The following DISC1 variants were observed in gnomAD, a reference collection of about 807,000 sequenced individuals.
DISC1 encodes DISC1 scaffold protein, also known as disrupted in schizophrenia 1 protein.
DISC1 carries 57 observed loss-of-function variants against 84.5 expected under a neutral mutation model. That is an observed-to-expected ratio of 0.67 (90% confidence interval 0.55 to 0.84). DISC1 has a LOEUF of 0.84. Ranked by LOEUF, DISC1 falls within the 40% of genes least tolerant of loss-of-function variation. The pLI is 0.00. For missense variants in DISC1, 1,000 were observed against 1,057.8 expected, an observed-to-expected ratio of 0.95 and a Z score of 0.76; for synonymous variants, 411 against 415.2, an observed-to-expected ratio of 0.99 and a Z score of 0.12.
intron 9 of DISC1, among the ~76,000 whole-genome samples, chr1:231,915,249 G>A (rs2089529904): frequency 6.6e-6 from 1 of 152,178 alleles, no homozygotes; most frequent in African/African-American, 2.4e-5. Flanking sequence ...GGTTTCAGGG[G>A]ATTGTGCAGC....
chr1:231,937,016 C>T (rs1444107448), intron 9 of DISC1, among the ~76,000 whole-genome samples: 1 of 152,184 alleles, frequency 6.6e-6, no homozygotes, highest in Non-Finnish European at 1.5e-5. Context: ...ACTCACTTAT[C>T]TCTGAGTCTC....
intron 1 of DISC1, among the ~76,000 whole-genome samples, chr1:231,688,292 G>A (rs2064554950): frequency 6.6e-6 from 1 of 152,108 alleles, no homozygotes; most frequent in East Asian, 1.9e-4. Flanking sequence ...TCTATTTCTA[G>A]TATTTCTGTG....
intron 1 of DISC1, among the ~76,000 whole-genome samples, chr1:231,669,466 A>T (rs2062354940): frequency 6.6e-6 from 1 of 152,212 alleles, no homozygotes; most frequent in African/African-American, 2.4e-5. Context: ...AATTTTTACA[A>T]ACTGCATCCA....
Position 231,882,890 on chromosome 1 carries a change from C to T in DISC1, c.1981+64373C>T, listed in dbSNP as rs117647372. On this transcript the variant is annotated intron_variant, in intron 9 of 12. Transcript: ENST00000439617. ...TGGGCCTGTAGGGATGTCTATGACA[C>T]GCAGGATACAGGGCTGGGCACCTGG... Among the ~76,000 whole-genome samples the T allele has an allele frequency of 3.0e-4, 45 of 151,832 alleles. 1 individual carries two copies. The East Asian group carries it at 5.3e-3, about 18-fold the overall frequency.
In DISC1 at chr1:231,628,908, AT is replaced by A. The variant is rs911841951; in HGVS notation, c.67+1985del. On this transcript the variant is annotated intron_variant, in intron 1 of 12. Coordinates refer to ENST00000439617, the MANE Select transcript of DISC1 (RefSeq NM_018662.3). ...AGGCGCATGCCACCATGCCCAGCTA[AT>A]TTTTTTTTTTAGAGTTGGAGTCTTG... Among the ~76,000 whole-genome samples the A allele has an allele frequency of 3.6e-3, 533 of 147,302 alleles. 7 individuals are homozygous for A. The highest frequency in any genetic ancestry group is 0.012 in the African/African-American group (484 of 39,990).
chr1:231,972,687 G>A (rs926711166), intron 10 of DISC1, among the ~76,000 whole-genome samples: 17 of 152,158 alleles, frequency 1.1e-4, no homozygotes, highest in African/African-American at 4.1e-4. Flanking sequence ...CTCCAGCTCT[G>A]ACTGTTAATC....
intron 12 of DISC1, among the ~76,000 whole-genome samples, chr1:232,028,128 G>A (rs1041750504): frequency 4.6e-5 from 7 of 152,112 alleles, no homozygotes; most frequent in African/African-American, 1.7e-4. Flanking sequence ...AATAAGGATG[G>A]CGTTTTTATT....
chr1:232,008,824 C>A lies in DISC1; in HGVS notation c.2082C>A (p.Asp694Glu). 6.3e-7 allele frequency: 1 copy of A among 1,599,480 alleles called. No homozygotes were observed. The highest frequency in any genetic ancestry group is 8.5e-7 in the Non-Finnish European group (1 of 1,171,736). Residue 694 changes from aspartate (D) to glutamate (E), a missense_variant, in exon 11 of 13, where the codon GAC becomes GAA. Asp to Glu is a conservative substitution (Grantham distance 45, BLOSUM62 2). Around this residue, in one of 3 missense-constraint regions of DISC1, gnomAD observed 397 missense variants for 377.5 expected, o/e 1.05. Coordinates refer to ENST00000439617, the MANE Select transcript of DISC1 (RefSeq NM_018662.3). ...CPLLGKVWEADLEACRLLIQS... is the reference protein window; with the variant it reads ...CPLLGKVWEAELEACRLLIQS... ...TGCTTGGGAAAGTGTGGGAAGCTGA[C>A]TTGGAAGCTTGTCGATTGCTTATCC...
chr1:231,748,034 T>C (rs1200606655), intron 3 of DISC1, among the ~76,000 whole-genome samples: 1 of 152,332 alleles, frequency 6.6e-6, no homozygotes, highest in East Asian at 1.9e-4. Flanking sequence ...ATTTTTCAGC[T>C]AGTTTATTGT....
In DISC1 at chr1:231,818,502, C is replaced by G; in HGVS notation, c.1966C>G (p.Gln656Glu). The change falls in exon 9 of 13, where the codon CAG becomes GAG. Residue 656 changes from glutamine to glutamate, a missense_variant. Around this residue, in one of 3 missense-constraint regions of DISC1, gnomAD observed 397 missense variants for 377.5 expected, o/e 1.05. Transcript: ENST00000439617. ...CAGACTGAGAAGAGAAGTGGAGCAC[C>G]AGGAGACTGCCTATGGTAGGTAGTG... ...YNRLRREVEH[Q>E]ETAYETSVKE... 1.2e-6 allele frequency: 2 copies of G among 1,614,082 alleles called. No individual in the cohort carries two copies. The highest frequency in any genetic ancestry group is 1.7e-6 in the Non-Finnish European group (2 of 1,179,978).
At chr1:231,651,126 C>T (rs1201642813) in intron 1 of DISC1, among the ~76,000 whole-genome samples, 1 of 152,172 alleles carries the variant, frequency 6.6e-6, no homozygotes, top group Non-Finnish European at 1.5e-5. Context: ...AGCTGTGATC[C>T]TTTGGAGGAG....
chr1:231,937,053 G>C (rs960442307), intron 9 of DISC1, among the ~76,000 whole-genome samples: 2 of 152,090 alleles, frequency 1.3e-5, no homozygotes, highest in Admixed American at 1.3e-4. Flanking sequence ...CAGAAAAAAA[G>C]ATACTACAAT....
intron 8 of DISC1, among the ~76,000 whole-genome samples, chr1:231,816,678 C>T (rs1016106136): frequency 1.3e-5 from 2 of 152,156 alleles, no homozygotes; most frequent in African/African-American, 4.8e-5. Context: ...TTCTTTTCCT[C>T]ATTGACTTGC....
intron 9 of DISC1, among the ~76,000 whole-genome samples, chr1:231,909,761 CT>C (rs1227095265): frequency 6.6e-6 from 1 of 152,148 alleles, no homozygotes; most frequent in Non-Finnish European, 1.5e-5. Context: ...GTACCAGCTC[CT>C]CTTTGTACGT....
chr1:231,840,428 TAACA>T (rs1305492330), intron 9 of DISC1, among the ~76,000 whole-genome samples: 1 of 152,174 alleles, frequency 6.6e-6, no homozygotes, highest in East Asian at 1.9e-4. Context: ...GTGGATAGAA[TAACA>T]AACTATGGTA....
intron 6 of DISC1, among the ~76,000 whole-genome samples, chr1:231,785,591 G>C (rs373316272): frequency 5.9e-5 from 9 of 152,182 alleles, no homozygotes; most frequent in Admixed American, 3.9e-4. Context: ...ACCATACCTG[G>C]CTGTGTGAGT....
chr1:231,816,514 T>A (rs970122305), intron 8 of DISC1, among the ~76,000 whole-genome samples: 2 of 150,496 alleles, frequency 1.3e-5, no homozygotes, highest in Non-Finnish European at 3.0e-5. Context: ...AAATATTCAT[T>A]TTTTTTTTGT....
rs965508645 is a variant in DISC1, at chr1:231,826,619, A to G, written c.1981+8102A>G. Reference sequence around the variant, plus strand: ...TAAAACCTCAATTCTTTATTTTCGAAGGGTGACTAGGAGAAACTTGGCATA... The same window carrying G: ...TAAAACCTCAATTCTTTATTTTCGAGGGGTGACTAGGAGAAACTTGGCATA... On this transcript the variant is annotated intron_variant, in intron 9 of 12. Coordinates refer to ENST00000439617, the MANE Select transcript of DISC1 (RefSeq NM_018662.3). The surrounding 1 kb of genome is among the most constrained non-coding windows in gnomAD (Gnocchi z 4.2). Among the ~76,000 whole-genome samples the G allele has an allele frequency of 2.6e-5, 4 of 152,202 alleles. No individual in the cohort carries two copies. The highest frequency in any genetic ancestry group is 9.6e-5 in the African/African-American group (4 of 41,456).
At chr1:231,930,387 C>T (rs1326217576) in intron 9 of DISC1, among the ~76,000 whole-genome samples, 2 of 152,136 alleles carry the variant, frequency 1.3e-5, no homozygotes, top group East Asian at 1.9e-4. Context: ...TGCCAGGGAT[C>T]GCTCTAAGTG....
Sources: gnomAD v4.1 joint callset for allele counts (sites outside exome capture counted in the v4.1 genomes callset) on GRCh38, gnomAD v4.1.1 for gene constraint, gnomAD v4.1.1 regional missense constraint, Gnocchi (gnomAD v3.1) non-coding constraint, MANE v1.5 for transcripts, NCBI Gene and HGNC (gene_info 2026-07-23, HGNC 2026-07-21) for gene names.